The following GSK3B variants were observed in gnomAD, a reference collection of about 807,000 sequenced individuals.
GSK3B encodes the protein glycogen synthase kinase-3 beta.
Under a neutral mutation model 56.4 loss-of-function variants are expected in GSK3B, and 15 were observed. The observed-to-expected ratio is 0.27, with a 90% confidence interval of 0.18 to 0.41. The LOEUF (loss-of-function observed/expected upper bound fraction) is 0.41, where lower values mean the gene tolerates loss of function less well. Ranked by LOEUF, GSK3B falls within the 10% of genes least tolerant of loss-of-function variation. The probability of loss-of-function intolerance (pLI) is 1.00; values close to 1 mark genes in which losing one functional copy is unlikely to be tolerated. For synonymous variants in GSK3B, 181 were observed against 188.9 expected (o/e 0.96, Z 0.34); for missense variants, 300 against 513.4 (o/e 0.58, Z 4.02).
At chr3:120,000,597 G>T (rs2057666091) in intron 2 of GSK3B, among the ~76,000 whole-genome samples, 1 of 152,074 alleles carries the variant, frequency 6.6e-6, no homozygotes, top group Non-Finnish European at 1.5e-5. Context: ...TGTTGCAGAG[G>T]TTGGAAGAGT....
intron 9 of GSK3B, among the ~76,000 whole-genome samples, chr3:119,853,947 C>G (rs191337283): frequency 3.5e-4 from 53 of 152,310 alleles, no homozygotes; most frequent in African/African-American, 1.2e-3. Flanking sequence ...CCAGAACTTC[C>G]AACGCTATGT....
At chr3:120,076,813 CAAAAAAAAAAA>C (rs202058386) in intron 1 of GSK3B, among the ~76,000 whole-genome samples, 6 of 45,588 alleles carry the variant, frequency 1.3e-4, no homozygotes, top group South Asian at 2.0e-3. Flanking sequence ...AACTCCGTCT[CAAAAAAAAAAA>C]AAAAAAAAAA....
chr3:120,089,829 T>G (rs1272356581), intron 1 of GSK3B, among the ~76,000 whole-genome samples: 1 of 152,160 alleles, frequency 6.6e-6, no homozygotes, highest in East Asian at 1.9e-4. Flanking sequence ...TTTATTTAAT[T>G]ACATGTAAAC....
chr3:119,822,903 A>G lies in GSK3B; in HGVS notation c.*3885T>C, dbSNP rs2107986952. 4.4e-6 allele frequency: 1 copy of G among 228,892 alleles called. No homozygotes were observed. Among genetic ancestry groups the G allele is most frequent in the Admixed American group, 5.7e-5 (1 of 17,666 alleles). 14.2% of individuals were successfully genotyped at this position (228,892 alleles called of 1,614,324 possible). ...TAAATCCTTTAAAAAGGAAAGGGAA[A>G]AATAGATGAAATGCCAGTGTCTTCA... On this transcript the variant is annotated 3_prime_UTR_variant, in exon 11 of 11. Transcript: ENST00000264235.
intron 1 of GSK3B, chr3:120,029,965 G>T: frequency 4.0e-6 from 2 of 494,890 alleles, no homozygotes; most frequent in Non-Finnish European, 8.2e-6. Context: ...GCTCTGGCTT[G>T]AAAGACACCA....
intron 1 of GSK3B, among the ~76,000 whole-genome samples, chr3:120,041,928 C>G (rs1296032095): frequency 6.6e-6 from 1 of 152,212 alleles, no homozygotes; most frequent in Non-Finnish European, 1.5e-5. Flanking sequence ...CTTGCAGAAC[C>G]AGGAGGAACC....
At chr3:120,022,052 A>G (rs917764775) in intron 1 of GSK3B, among the ~76,000 whole-genome samples, 2 of 152,204 alleles carry the variant, frequency 1.3e-5, no homozygotes, top group African/African-American at 4.8e-5. Context: ...AAAAACAAAT[A>G]TAACGCTATC....
chr3:120,026,567 T>A (rs1158055133), intron 1 of GSK3B, among the ~76,000 whole-genome samples: 26 of 108,592 alleles, frequency 2.4e-4, no homozygotes, highest in Admixed American at 6.5e-4. Context: ...ACACACACAC[T>A]CTTTTTTTTT....
intron 2 of GSK3B, among the ~76,000 whole-genome samples, chr3:119,957,733 G>C (rs953499709): frequency 6.6e-6 from 1 of 152,106 alleles, no homozygotes; most frequent in Non-Finnish European, 1.5e-5. Flanking sequence ...CTTAAGAGCG[G>C]GTGTAGGCAT....
chr3:119,915,380 T>C (rs78889159), intron 5 of GSK3B, among the ~76,000 whole-genome samples: 3,211 of 152,174 alleles, frequency 0.021, 89 homozygotes, highest in South Asian at 0.07. Flanking sequence ...AAAAGGAGTA[T>C]ATATACCTAA....
chr3:120,010,805 C>A (rs1327174240), intron 1 of GSK3B, among the ~76,000 whole-genome samples: 1 of 152,188 alleles, frequency 6.6e-6, no homozygotes, highest in Non-Finnish European at 1.5e-5. Flanking sequence ...TGGTAGTTCA[C>A]ACCTGTAATC....
intron 7 of GSK3B, among the ~76,000 whole-genome samples, chr3:119,876,908 T>C (rs2056321462): frequency 6.6e-6 from 1 of 152,206 alleles, no homozygotes; most frequent in Admixed American, 6.5e-5. Context: ...CATCACCAGA[T>C]GTGGGCCCTT....
intron 1 of GSK3B, among the ~76,000 whole-genome samples, chr3:120,013,611 G>C (rs2057797619): frequency 6.6e-6 from 1 of 152,112 alleles, no homozygotes; most frequent in African/African-American, 2.4e-5. Context: ...AAAGCCTAGA[G>C]AAATCAGCAC....
At chr3:119,880,258 G>A (rs903997964) in intron 7 of GSK3B, among the ~76,000 whole-genome samples, 4 of 152,160 alleles carry the variant, frequency 2.6e-5, no homozygotes, top group Non-Finnish European at 4.4e-5. Flanking sequence ...TTTGCCATCT[G>A]TATGTATCCT....
At chr3:119,916,544 A>G (rs1418298747) in intron 4 of GSK3B, among the ~76,000 whole-genome samples, 1 of 152,202 alleles carries the variant, frequency 6.6e-6, no homozygotes, top group Non-Finnish European at 1.5e-5. Context: ...ATCATGAATA[A>G]TCAGTAACTT....
rs1217856669 is a variant in GSK3B, at chr3:119,823,414, T to C, written c.*3374A>G. ...ACTGCTAGTAATTGCACTATAGCAT[T>C]TTAGACCACTGACGTATCAAAACCT... On this transcript the variant is annotated 3_prime_UTR_variant, in exon 11 of 11. Coordinates refer to ENST00000264235, the MANE Select transcript of GSK3B (RefSeq NM_001146156.2). 27 of 199,350 alleles carry C rather than the reference T, an allele frequency of 1.4e-4. No individual in the cohort carries two copies. In the Admixed American group the frequency reaches 1.6e-3, roughly 12 times the overall value. The allele number at this position is 199,350 out of a possible 1,614,324, so 12.3% of individuals were successfully genotyped here.
At chr3:120,045,575 A>C (rs2058096337) in intron 1 of GSK3B, among the ~76,000 whole-genome samples, 1 of 152,108 alleles carries the variant, frequency 6.6e-6, no homozygotes, top group African/African-American at 2.4e-5. Context: ...CCCACAGGGG[A>C]GTGACACTGA....
At chr3:120,061,306 C>A (rs1391604343) in intron 1 of GSK3B, among the ~76,000 whole-genome samples, 1 of 152,112 alleles carries the variant, frequency 6.6e-6, no homozygotes, top group East Asian at 1.9e-4. Context: ...ATAAAGATAG[C>A]AAAATCTATT....
intron 3 of GSK3B, among the ~76,000 whole-genome samples, chr3:119,938,426 C>T (rs1433790273): frequency 1.3e-5 from 2 of 151,864 alleles, no homozygotes; most frequent in African/African-American, 4.8e-5. Flanking sequence ...GGATTATACC[C>T]CATGACCAAG....
Sources: gnomAD v4.1 joint callset for allele counts (sites outside exome capture counted in the v4.1 genomes callset) on GRCh38, gnomAD v4.1.1 for gene constraint, MANE v1.5 for transcripts, NCBI Gene and HGNC (gene_info 2026-07-23, HGNC 2026-07-21) for gene names.